DST: variants seen among roughly 807,000 people sequenced by gnomAD.
DST encodes bullous pemphigoid antigen.
In DST, 253 loss-of-function variants were observed where a neutral mutation model predicts 875.2. That is an observed-to-expected ratio of 0.29 (90% CI 0.26 to 0.32). The LOEUF (loss-of-function observed/expected upper bound fraction) is 0.32. DST is among the 10% of genes least tolerant of loss of function. DST has a pLI of 1.00. For missense variants in DST, 8,287 were observed against 9,111.6 expected, an observed-to-expected ratio of 0.91 and a Z score of 3.68; for synonymous variants, 3,124 against 3,197.1, an observed-to-expected ratio of 0.98 and a Z score of 0.77.
chr6:56,936,263 C>T (rs1035747006), intron 2 of DST, among the ~76,000 whole-genome samples: 4 of 152,296 alleles, frequency 2.6e-5, no homozygotes, highest in Non-Finnish European at 4.4e-5. Flanking sequence ...TCTCATTGAA[C>T]GCAGCTGTAA....
chr6:56,565,506 A>T (rs1297274689), intron 55 of DST, among the ~76,000 whole-genome samples: 5 of 152,054 alleles, frequency 3.3e-5, no homozygotes. Context: ...TTCAGCTGTG[A>T]ATCTGTCTGG....
chr6:56,772,340 A>T (rs1305399998), intron 4 of DST, among the ~76,000 whole-genome samples: 1 of 152,162 alleles, frequency 6.6e-6, no homozygotes, highest in Non-Finnish European at 1.5e-5. Flanking sequence ...CATAGGTAGA[A>T]GTTTCTTAAA....
At chr6:56,722,848 A>T (rs1563871799) in intron 5 of DST, among the ~76,000 whole-genome samples, 2 of 152,240 alleles carry the variant, frequency 1.3e-5, no homozygotes, top group South Asian at 2.1e-4. Flanking sequence ...AGTTGAGATC[A>T]TAACATAGGT....
chr6:56,532,253 T>A, intron 64 of DST, 91 bp downstream of exon 64: 1 of 1,165,712 alleles, frequency 8.6e-7, no homozygotes, highest in Non-Finnish European at 1.2e-6. Flanking sequence ...AGGAAAATCA[T>A]GATTTGAAGT....
intron 49 of DST, among the ~76,000 whole-genome samples, chr6:56,580,191 C>T (rs1197477107): frequency 1.3e-5 from 2 of 152,162 alleles, no homozygotes; most frequent in Non-Finnish European, 2.9e-5. Flanking sequence ...ACAGTAGCCA[C>T]ATTTCAAGTG....
rs554648629 is a variant in DST at position 56,891,692 on chromosome 6, C to T, written c.417+8729G>A. On this transcript the variant is annotated intron_variant, in intron 3 of 103. Transcript: ENST00000680361. ...GAGGCTGCAGTGAGCCGTGATTGCG[C>T]GACTGCACTCCAGCCTGGGTGACAG... is the stretch of plus-strand genomic sequence containing the variant. Among the ~76,000 whole-genome samples the T allele has an allele frequency of 2.9e-3, 445 of 151,812 alleles. 5 individuals are homozygous for T. The highest frequency in any genetic ancestry group is 0.017 in the South Asian group (80 of 4,814).
chr6:56,603,072 A>G, intron 42 of DST, 41 bp from the exon 43 acceptor site: 1 of 1,548,046 alleles, frequency 6.5e-7, no homozygotes, highest in South Asian at 1.3e-5. Context: ...TTTCCCCAAA[A>G]TGTCAAATTC....
rs533440837 is a variant in DST, at chr6:56,870,619, C to T, written c.418-19015G>A. On this transcript the variant is annotated intron_variant, in intron 3 of 103. Coordinates refer to ENST00000680361, the MANE Select transcript of DST (RefSeq NM_001374736.1). ...CTCTACTAAAAATACAAAAATTAGC[C>T]GGGCATGGTGGCAGGCACCTGTAAT... Among the ~76,000 whole-genome samples, 7 of 151,840 alleles carry T rather than the reference C, an allele frequency of 4.6e-5. No individual in the cohort carries two copies. The South Asian group carries it at 6.2e-4, about 14-fold the overall frequency.
At chr6:56,615,652 G>T in intron 36 of DST, 1 of 1,613,850 alleles carries the variant, frequency 6.2e-7, no homozygotes, top group African/African-American at 1.3e-5. Context: ...TTGTCTGAGG[G>T]CATATTATAT....
At chr6:56,843,695 A>AGAGGGAG (rs2099803470) in intron 4 of DST, 2 of 903,774 alleles carry the variant, frequency 2.2e-6, no homozygotes, top group Admixed American at 7.0e-5. Context: ...CGCCGGGGAG[A>AGAGGGAG]GAGGGAGGGA....
At chr6:56,652,623 G>A (rs1044812571) in intron 10 of DST, among the ~76,000 whole-genome samples, 2 of 152,202 alleles carry the variant, frequency 1.3e-5, no homozygotes, top group Admixed American at 6.5e-5. Flanking sequence ...AGAAAGCTAA[G>A]TGGCAATTTG....
At chr6:56,637,431 T>A (rs1371060496) in intron 22 of DST, among the ~76,000 whole-genome samples, 9 of 152,166 alleles carry the variant, frequency 5.9e-5, no homozygotes. Flanking sequence ...CATTCATCTC[T>A]CCTTTCTCTG....
Position 56,489,484 on chromosome 6 carries a change from A to G in DST, c.20877+6T>C. 6.2e-7 allele frequency: 1 copy of G among 1,608,768 alleles called. No homozygotes were observed. Among genetic ancestry groups the G allele is most frequent in the East Asian group, 2.2e-5 (1 of 44,722 alleles). ...GACAATATGCTCTTCTTAATTATGG[A>G]CCCACCTTATGTTGTGCAAGTTGTG... On this transcript the variant is annotated splice_donor_region_variant and intron_variant, in intron 86 of 103. Transcript: ENST00000680361.
At position 56,634,455 on chromosome 6, in the gene DST, T is replaced by C; in HGVS notation, c.3494+7A>G. On this transcript the variant is annotated splice_region_variant and intron_variant, in intron 26 of 103. Transcript: ENST00000680361. ...TAGCTCAACATTTTTAGCTAATATATACAAACCTGTTGGCAAGGTCCACCG... is the reference window on the plus strand; with the variant it reads ...TAGCTCAACATTTTTAGCTAATATACACAAACCTGTTGGCAAGGTCCACCG... The C allele has an allele frequency of 6.2e-7, 1 of 1,614,132 alleles. No homozygotes were observed. The highest frequency in any genetic ancestry group is 8.5e-7 in the Non-Finnish European group (1 of 1,179,994).
rs1286740223 is a variant in DST, at chr6:56,578,936, G to T, written c.12905C>A (p.Ala4302Asp). The T allele has an allele frequency of 6.3e-7, 1 of 1,589,970 alleles. No individual in the cohort carries two copies. Among genetic ancestry groups the T allele is most frequent in the Admixed American group, 1.8e-5 (1 of 56,372 alleles). ...CTGACTTGATATCTGTCCTTGCAAA[G>T]CCTGTAGGATTAAACGCTTTTCAAT... Reference protein sequence around the residue: ...NLQRQLEETKALQGQISSQQV... With the variant: ...NLQRQLEETKDLQGQISSQQV... The change falls in exon 50 of 104, where the codon GCT (alanine) becomes GAT (aspartate). Residue 4302 changes from alanine to aspartate, a missense_variant and splice_region_variant. By Grantham distance (126) the Ala-to-Asp change is moderately radical. Around this residue, in one of 10 missense-constraint regions of DST, gnomAD observed 1,513 missense variants for 1,677.8 expected, o/e 0.90. Coordinates refer to ENST00000680361, the MANE Select transcript of DST (RefSeq NM_001374736.1).
In DST at chr6:56,608,706, A is replaced by G. The variant is rs752431399; in HGVS notation, c.5922T>C (p.His1974=). The G allele has an allele frequency of 1.2e-6, 2 of 1,612,478 alleles. No individual in the cohort carries two copies. The highest frequency in any genetic ancestry group is 1.3e-5 in the African/African-American group (1 of 75,034). The change falls in exon 40 of 104, where the codon CAT becomes CAC. Residue 1974 remains histidine (H), a synonymous_variant. Coordinates refer to ENST00000680361, the MANE Select transcript of DST (RefSeq NM_001374736.1). ...GRNISILRAA[H]EGLIDRETMF... is the part of the protein sequence containing the mutation. ...TGGTTTCACGGTCTATGAGACCTTC[A>G]TGAGCTGCTCTTAAAATGCTTATGT...
intron 3 of DST, among the ~76,000 whole-genome samples, chr6:56,894,766 C>G (rs1790106329): frequency 1.1e-5 from 1 of 94,532 alleles, no homozygotes; most frequent in Non-Finnish European, 2.0e-5. Context: ...GCTGACCCCC[C>G]CTCCCCCCTC....
At chr6:56,703,163 A>C (rs2099317973) in intron 7 of DST, among the ~76,000 whole-genome samples, 1 of 152,204 alleles carries the variant, frequency 6.6e-6, no homozygotes, top group African/African-American at 2.4e-5. Flanking sequence ...GAGAGGTAAA[A>C]CATGTCCATC....
chr6:56,916,639 G>A (rs935010198), intron 2 of DST, among the ~76,000 whole-genome samples: 6 of 151,862 alleles, frequency 4.0e-5, no homozygotes, highest in Non-Finnish European at 8.8e-5. Flanking sequence ...TGTAGCCCCA[G>A]CTATCTGGGA....
Sources: gnomAD v4.1 joint callset for allele counts (sites outside exome capture counted in the v4.1 genomes callset) on GRCh38, gnomAD v4.1.1 for gene constraint, gnomAD v4.1.1 regional missense constraint, MANE v1.5 for transcripts, NCBI Gene and HGNC (gene_info 2026-07-23, HGNC 2026-07-21) for gene names.